The following GALNTL6 variants were observed in gnomAD, a reference collection of about 807,000 sequenced individuals.
GALNTL6 encodes polypeptide N-acetylgalactosaminyltransferase-like 6.
A neutral mutation model predicts 73.7 loss-of-function variants in GALNTL6; 46 were observed. That is an observed-to-expected ratio of 0.62 (90% CI 0.49 to 0.80). The LOEUF (loss-of-function observed/expected upper bound fraction) is 0.80, where lower values mean the gene tolerates loss of function less well. Among genes scored for constraint, GALNTL6 ranks in the 30% least tolerant of loss-of-function variants. The pLI is 0.00. For missense variants in GALNTL6, 604 were observed against 755.0 expected (o/e 0.80, Z 2.34); for synonymous variants, 259 against 263.7 (o/e 0.98, Z 0.17).
chr4:172,636,027 A>G (rs1236222871), intron 5 of GALNTL6, among the ~76,000 whole-genome samples: 1 of 152,164 alleles, frequency 6.6e-6, no homozygotes, highest in African/African-American at 2.4e-5. Context: ...TATAACACTC[A>G]CTCAGTACAG....
chr4:173,002,433 A>C (rs1752082573), intron 10 of GALNTL6, among the ~76,000 whole-genome samples: 1 of 152,032 alleles, frequency 6.6e-6, no homozygotes, highest in Non-Finnish European at 1.5e-5. Context: ...AGTATCCATC[A>C]ATAGATGAAT....
At chr4:172,350,290 T>G (rs1011682160) in intron 5 of GALNTL6, among the ~76,000 whole-genome samples, 1 of 152,208 alleles carries the variant, frequency 6.6e-6, no homozygotes, top group African/African-American at 2.4e-5. Flanking sequence ...AAATTATGGT[T>G]TGTAGAACAT....
At chr4:172,313,938 C>T (rs1740455390) in intron 4 of GALNTL6, among the ~76,000 whole-genome samples, 1 of 152,148 alleles carries the variant, frequency 6.6e-6, no homozygotes, top group Non-Finnish European at 1.5e-5. Flanking sequence ...GGAAGAGAAG[C>T]CTGATGTCAC....
At chr4:172,521,941 G>A (rs190538787) in intron 5 of GALNTL6, among the ~76,000 whole-genome samples, 6 of 152,214 alleles carry the variant, frequency 3.9e-5, no homozygotes, top group East Asian at 3.9e-4. Flanking sequence ...TGTGTGCTAC[G>A]TAACTTGATT....
At chr4:172,112,710 A>T (rs1732886514) in intron 2 of GALNTL6, among the ~76,000 whole-genome samples, 1 of 152,010 alleles carries the variant, frequency 6.6e-6, no homozygotes, top group Admixed American at 6.6e-5. Context: ...TGAAATTCTA[A>T]CACCCATGAC....
intron 2 of GALNTL6, among the ~76,000 whole-genome samples, chr4:171,833,085 A>G (rs1415007255): frequency 1.3e-5 from 2 of 151,750 alleles, no homozygotes; most frequent in African/African-American, 2.4e-5. Context: ...GTGTGGCTTG[A>G]TTAGTGCTGT....
intron 5 of GALNTL6, among the ~76,000 whole-genome samples, chr4:172,466,350 A>G (rs986087930): frequency 6.6e-6 from 1 of 152,224 alleles, no homozygotes; most frequent in African/African-American, 2.4e-5. Flanking sequence ...ATTTTAAAAT[A>G]GCAGCTACAT....
rs1349411076 is a variant in GALNTL6 at position 172,096,528 on chromosome 4, G to T, written c.139-133128G>T. Among the ~76,000 whole-genome samples the T allele has an allele frequency of 3.9e-5, 5 of 128,280 alleles. No individual in the cohort carries two copies. In the East Asian group the frequency reaches 9.9e-4, roughly 25 times the overall value. 84.2% of individuals were successfully genotyped at this position (128,280 alleles called of 152,430 possible). Reference sequence around the variant, plus strand: ...TTCTGATTGCTTATATTTACTGACAGCCCTTTTTATAAAAAAAAAACCTTA... The same window carrying T: ...TTCTGATTGCTTATATTTACTGACATCCCTTTTTATAAAAAAAAAACCTTA... On this transcript the variant is annotated intron_variant, in intron 2 of 12. Coordinates refer to ENST00000506823, the MANE Select transcript of GALNTL6 (RefSeq NM_001034845.3).
chr4:172,371,378 G>A (rs1009911034), intron 5 of GALNTL6, among the ~76,000 whole-genome samples: 3 of 152,194 alleles, frequency 2.0e-5, no homozygotes, highest in East Asian at 1.9e-4. Context: ...CAGTGCTTTC[G>A]GGCTATGCCC....
intron 2 of GALNTL6, among the ~76,000 whole-genome samples, chr4:171,982,221 A>G (rs1361396397): frequency 1.3e-5 from 2 of 152,194 alleles, no homozygotes; most frequent in Non-Finnish European, 2.9e-5. Context: ...TGGCAAATTA[A>G]TAAAGTAAAA....
rs185997381 is a variant in GALNTL6 at position 172,254,334 on chromosome 4, G to T, written c.247+24570G>T. On this transcript the variant is annotated intron_variant, in intron 3 of 12. Coordinates refer to ENST00000506823, the MANE Select transcript of GALNTL6 (RefSeq NM_001034845.3). ...AAAAAGTAGTGTATATGATAAATTA[G>T]ATATTAATAAAGAGGGAGGCCATCT... Among the ~76,000 whole-genome samples, 30 of 151,912 alleles carry T rather than the reference G, an allele frequency of 2.0e-4. No individual in the cohort carries two copies. The East Asian group carries it at 2.7e-3, about 14-fold the overall frequency.
At chr4:171,925,809 T>C (rs1737960084) in intron 2 of GALNTL6, among the ~76,000 whole-genome samples, 1 of 152,176 alleles carries the variant, frequency 6.6e-6, no homozygotes, top group African/African-American at 2.4e-5. Flanking sequence ...AACTCTGAGC[T>C]ACTTTTACTT....
At chr4:172,200,280 A>G (rs1319939616) in intron 2 of GALNTL6, among the ~76,000 whole-genome samples, 2 of 152,204 alleles carry the variant, frequency 1.3e-5, no homozygotes, top group Admixed American at 1.3e-4. Context: ...CCTTGTTAAA[A>G]TACTCCAGTT....
intron 5 of GALNTL6, among the ~76,000 whole-genome samples, chr4:172,619,117 T>C (rs1459313503): frequency 3.9e-5 from 6 of 152,146 alleles, no homozygotes; most frequent in Non-Finnish European, 8.8e-5. Context: ...GAGTCTTTTT[T>C]TTATTTTTAA....
chr4:172,655,593 T>A (rs945920316), intron 5 of GALNTL6, among the ~76,000 whole-genome samples: 5 of 152,176 alleles, frequency 3.3e-5, no homozygotes, highest in African/African-American at 1.2e-4. Context: ...AACCTAGGTG[T>A]CTTCCGCCCT....
At chr4:172,296,447 G>A (rs557349484) in intron 3 of GALNTL6, among the ~76,000 whole-genome samples, 3 of 152,016 alleles carry the variant, frequency 2.0e-5, no homozygotes, top group Non-Finnish European at 2.9e-5. Context: ...TGTGGGAGTT[G>A]GTGTGCTGCA....
At chr4:172,357,584 G>A (rs78629482) in intron 5 of GALNTL6, among the ~76,000 whole-genome samples, 2,960 of 150,300 alleles carry the variant, frequency 0.02, 88 homozygotes, top group African/African-American at 0.067. Flanking sequence ...CTCTCAAAAC[G>A]TAGATTGGGA....
chr4:172,603,150 A>G (rs540097505), intron 5 of GALNTL6, among the ~76,000 whole-genome samples: 1 of 152,240 alleles, frequency 6.6e-6, no homozygotes, highest in African/African-American at 2.4e-5. Flanking sequence ...AATGTTTATC[A>G]TCTTTGTTTG....
At chr4:171,843,549 A>G (rs574644821) in intron 2 of GALNTL6, among the ~76,000 whole-genome samples, 33 of 152,242 alleles carry the variant, frequency 2.2e-4, no homozygotes, top group African/African-American at 6.3e-4. Flanking sequence ...ATATTTCACC[A>G]AACTCTTAGA....
Sources: gnomAD v4.1 joint callset for allele counts (sites outside exome capture counted in the v4.1 genomes callset) on GRCh38, gnomAD v4.1.1 for gene constraint, MANE v1.5 for transcripts, NCBI Gene and HGNC (gene_info 2026-07-23, HGNC 2026-07-21) for gene names.